Variants in TTC8 observed in about 807,000 individuals in gnomAD.
TTC8 encodes the protein tetratricopeptide repeat protein 8.
Under a neutral mutation model 72.5 loss-of-function variants are expected in TTC8, and 47 were observed. The observed-to-expected ratio is 0.65, with a 90% CI of 0.51 to 0.83. TTC8 has a LOEUF of 0.83. Among genes scored for constraint, TTC8 ranks in the 40% least tolerant of loss-of-function variants. The probability of loss-of-function intolerance (pLI) is 0.00; values close to 1 mark genes in which losing one functional copy is unlikely to be tolerated. For missense variants in TTC8, 611 were observed against 623.2 expected (o/e 0.98, Z 0.21); for synonymous variants, 199 against 221.4 (o/e 0.90, Z 0.90).
intron 12 of TTC8, among the ~76,000 whole-genome samples, chr14:88,872,108 G>A (rs977662340): frequency 1.3e-5 from 2 of 152,174 alleles, no homozygotes; most frequent in African/African-American, 2.4e-5. Context: ...CCTACATCCA[G>A]GTTTGGCAGT....
At chr14:88,846,254 G>C (rs1462378013) in intron 7 of TTC8, among the ~76,000 whole-genome samples, 1 of 152,092 alleles carries the variant, frequency 6.6e-6, no homozygotes, top group Non-Finnish European at 1.5e-5. Flanking sequence ...TGAACCCAGG[G>C]AGGTCGAGGC....
At chr14:88,857,322 A>G (rs1566848343) in intron 9 of TTC8, 45 bp downstream of exon 9, 1 of 1,543,550 alleles carries the variant, frequency 6.5e-7, no homozygotes, top group Non-Finnish European at 9.0e-7. Flanking sequence ...CTCAGAATAA[A>G]TGTTTAAATT....
In TTC8 at chr14:88,825,972, AT is replaced by A. The variant is rs887251239; in HGVS notation, c.114+1159del. On this transcript the variant is annotated intron_variant, in intron 1 of 14. Transcript: ENST00000380656. ...AAGCATTTTTCCAAGGTTTTTTTAA[AT>A]TTTTTTTATTTTTTTTTATTTTTTT... is the stretch of plus-strand genomic sequence containing the variant. Among the ~76,000 whole-genome samples, 19 of 151,618 alleles carry A rather than the reference AT, an allele frequency of 1.3e-4. No individual in the cohort carries two copies. The East Asian group carries it at 1.9e-3, about 16-fold the overall frequency.
At chr14:88,830,018 C>T (rs544588540) in intron 1 of TTC8, among the ~76,000 whole-genome samples, 2 of 152,166 alleles carry the variant, frequency 1.3e-5, no homozygotes, top group Non-Finnish European at 2.9e-5. Context: ...CACTTGGCTG[C>T]GTGGTCACTA....
chr14:88,870,064 GAAC>G lies in TTC8; in HGVS notation c.918_920del (p.Asn307del), dbSNP rs771039166. ...TCTCTCTTGATGGAGAATAGGAAAT[GAAC>G]AATATGTCATCAGCAGCAGAATATT... is the stretch of plus-strand genomic sequence containing the variant. On this transcript the variant is annotated inframe_deletion, in exon 11 of 15. Transcript: ENST00000380656. The G allele has an allele frequency of 6.2e-7, 1 of 1,613,870 alleles. No homozygotes were observed. The highest frequency in any genetic ancestry group is 8.5e-7 in the Non-Finnish European group (1 of 1,179,884).
intron 10 of TTC8, among the ~76,000 whole-genome samples, chr14:88,867,150 G>A (rs1315102289): frequency 1.3e-5 from 2 of 152,254 alleles, no homozygotes; most frequent in East Asian, 1.9e-4. Flanking sequence ...ATTTTAAAAT[G>A]TGCATGCTCT....
In TTC8 at chr14:88,840,887, C is replaced by G; in HGVS notation, c.288C>G (p.Leu96=). ...QVPRPGTSLK[L]PGTNQTGGPS... The stretch of plus-strand genomic sequence containing the variant: ...TAGGCCCTGGAACGTCTTTGAAACT[C>G]CCTGGAACTAATCAGACAGGAGGGC... The change falls in exon 4 of 15, where the codon CTC becomes CTG. Residue 96 remains leucine, a synonymous_variant. Coordinates refer to ENST00000380656, the MANE Select transcript of TTC8 (RefSeq NM_144596.4). The G allele has an allele frequency of 6.2e-7, 1 of 1,614,102 alleles. No individual in the cohort carries two copies. Among genetic ancestry groups the G allele is most frequent in the Non-Finnish European group, 8.5e-7 (1 of 1,179,984 alleles).
intron 9 of TTC8, among the ~76,000 whole-genome samples, chr14:88,860,736 C>G (rs1304165551): frequency 6.6e-6 from 1 of 151,954 alleles, no homozygotes; most frequent in Non-Finnish European, 1.5e-5. Context: ...TTATGTATAA[C>G]ATGTGGAGAT....
intron 13 of TTC8, among the ~76,000 whole-genome samples, chr14:88,873,930 T>C (rs1177598357): frequency 6.6e-6 from 1 of 152,160 alleles, no homozygotes; most frequent in African/African-American, 2.4e-5. Context: ...TGATAAACTT[T>C]TAACAACAAC....
chr14:88,864,588 T>C (rs1222832037), intron 10 of TTC8, among the ~76,000 whole-genome samples: 1 of 152,214 alleles, frequency 6.6e-6, no homozygotes, highest in Non-Finnish European at 1.5e-5. Flanking sequence ...AGTGGATTCC[T>C]TTTCTCAACC....
intron 7 of TTC8, among the ~76,000 whole-genome samples, chr14:88,847,304 C>T (rs754609526): frequency 6.6e-5 from 10 of 152,238 alleles, no homozygotes; most frequent in Admixed American, 1.3e-4. Flanking sequence ...AAAACCAGAG[C>T]TCCCTATAGC....
chr14:88,838,480 A>T (rs1653759477), intron 2 of TTC8, among the ~76,000 whole-genome samples: 1 of 152,072 alleles, frequency 6.6e-6, no homozygotes, highest in African/African-American at 2.4e-5. Context: ...TATTCCTAGT[A>T]TACTGAGCCT....
intron 13 of TTC8, among the ~76,000 whole-genome samples, chr14:88,874,586 G>GT: frequency 6.6e-6 from 1 of 152,076 alleles, no homozygotes; most frequent in East Asian, 1.9e-4. Context: ...ATTTACAATG[G>GT]TTTTTTTGGT....
rs1372420119 is a variant in TTC8, at chr14:88,841,144, A to G, written c.437A>G (p.Tyr146Cys). 5.0e-6 allele frequency: 8 copies of G among 1,614,102 alleles called. No homozygotes were observed. The highest frequency in any genetic ancestry group is 5.9e-6 in the Non-Finnish European group (7 of 1,179,998). ...GCTATCAGAACACCCAGAACCGCCTACACAGCCCGCCCTATCACCAGCTCC... is the reference window on the plus strand; with the variant it reads ...GCTATCAGAACACCCAGAACCGCCTGCACAGCCCGCCCTATCACCAGCTCC... ...EQAIRTPRTA[Y>C]TARPITSSSG... The change falls in exon 5 of 15, where the codon TAC becomes TGC. Residue 146 changes from tyrosine (Y) to cysteine (C), a missense_variant. Physicochemically the swap from Tyr to Cys is radical, Grantham distance 194. Transcript: ENST00000380656.
chr14:88,879,769 C>G (rs1037491287), downstream of TTC8: 2 of 151,726 alleles, frequency 1.3e-5, no homozygotes, highest in Admixed American at 6.6e-5. Flanking sequence ...CTCTGCCTCC[C>G]GGGTTCAAGC....
chr14:88,861,059 C>T (rs1358661651), intron 9 of TTC8, among the ~76,000 whole-genome samples, 163 bp from the exon 10 acceptor site: 2 of 152,156 alleles, frequency 1.3e-5, no homozygotes, highest in Admixed American at 6.6e-5. Context: ...CCACCTCAGC[C>T]TCCCAAAATG....
At chr14:88,853,583 G>A (rs1005174085) in intron 8 of TTC8, among the ~76,000 whole-genome samples, 4 of 152,166 alleles carry the variant, frequency 2.6e-5, no homozygotes, top group Non-Finnish European at 5.9e-5. Flanking sequence ...AAGATAAAGT[G>A]ATTTGTCCAA....
chr14:88,853,975 C>G lies in TTC8; in HGVS notation c.710+919C>G, dbSNP rs1284695991. ...ATAAGCTTCAGTTGTCATTCAAGTA[C>G]TCTGAGAAAAAAGAAGACTATAAAT... is the stretch of plus-strand genomic sequence containing the variant. On this transcript the variant is annotated intron_variant, in intron 8 of 14. Transcript: ENST00000380656. 2.0e-5 allele frequency among the ~76,000 whole-genome samples: 3 copies of G among 152,050 alleles called. No homozygotes were observed. In the East Asian group the frequency reaches 5.8e-4, roughly 29 times the overall value.
At chr14:88,874,814 T>C (rs991772108) in intron 13 of TTC8, among the ~76,000 whole-genome samples, 1 of 152,180 alleles carries the variant, frequency 6.6e-6, no homozygotes, top group Non-Finnish European at 1.5e-5. Context: ...AAGCATTTAT[T>C]ATTAACATAA....
Sources: allele counts gnomAD v4.1 joint callset (sites outside exome capture counted in the v4.1 genomes callset), GRCh38; gene constraint gnomAD v4.1.1; transcripts MANE v1.5; gene names NCBI Gene and HGNC (gene_info 2026-07-23, HGNC 2026-07-21).